The following PHC3 variants were observed in gnomAD, a reference collection of about 807,000 sequenced individuals.
PHC3 encodes the protein polyhomeotic-like protein 3.
In PHC3, 13 loss-of-function variants were observed where a neutral mutation model predicts 107.4. That is an observed-to-expected ratio of 0.12 (90% CI 0.08 to 0.19). The LOEUF is 0.19. Among genes scored for constraint, PHC3 ranks in the 10% least tolerant of loss-of-function variants. The pLI is 1.00. For synonymous variants in PHC3, 456 were observed against 427.4 expected (o/e 1.07, Z -0.83); for missense variants, 992 against 1,210.9 (o/e 0.82, Z 2.68).
chr3:170,123,356 T>TACACACACACACACACACACACACAC (rs3980601), intron 8 of PHC3, among the ~76,000 whole-genome samples: 141 of 149,920 alleles, frequency 9.4e-4, no homozygotes, highest in African/African-American at 2.9e-3. Context: ...TTGAAATGCA[T>TACACACACACACACACACACACACAC]ACACACACAC....
chr3:170,130,236 TATATA>T (rs1722035626), intron 7 of PHC3, among the ~76,000 whole-genome samples: 2 of 152,160 alleles, frequency 1.3e-5, no homozygotes, highest in Admixed American at 6.5e-5. Context: ...AAGTATAACA[TATATA>T]AAGATAACTT....
At position 170,127,019 on chromosome 3, in the gene PHC3, T is replaced by C. The variant is rs115369374; in HGVS notation, c.1788+1665A>G. Among the ~76,000 whole-genome samples, 901 of 152,154 alleles carry C rather than the reference T, an allele frequency of 5.9e-3. 9 individuals are homozygous for C. Among genetic ancestry groups the C allele is most frequent in the African/African-American group, 0.021 (853 of 41,502 alleles). On this transcript the variant is annotated intron_variant, in intron 8 of 14. Transcript: ENST00000495893. ...TATTTTTTACTGGTTAAAAACCAAATCACTGAACTAGGTAGTGAGAAAGTA... is the reference window on the plus strand; with the variant it reads ...TATTTTTTACTGGTTAAAAACCAAACCACTGAACTAGGTAGTGAGAAAGTA...
At chr3:170,137,000 G>GTA (rs751902703) in intron 6 of PHC3, among the ~76,000 whole-genome samples, 77 of 151,684 alleles carry the variant, frequency 5.1e-4, no homozygotes, top group East Asian at 3.7e-3. Context: ...AAAGCAGTAT[G>GTA]TATATATATA....
intron 4 of PHC3, among the ~76,000 whole-genome samples, chr3:170,167,307 T>A (rs1427641661): frequency 6.6e-6 from 1 of 152,122 alleles, no homozygotes; most frequent in East Asian, 1.9e-4. Context: ...TGCCACCACA[T>A]CCAGCTAATT....
chr3:170,099,548 C>T (rs1259082483), intron 14 of PHC3, among the ~76,000 whole-genome samples: 1 of 152,094 alleles, frequency 6.6e-6, no homozygotes, highest in Admixed American at 6.6e-5. Context: ...GGGATGTGTA[C>T]AAAACATACA....
chr3:170,160,920 A>G (rs1215612553), intron 4 of PHC3, among the ~76,000 whole-genome samples: 3 of 152,186 alleles, frequency 2.0e-5, no homozygotes, highest in African/African-American at 7.2e-5. Context: ...AAAACAAAAA[A>G]AGAGTTAACA....
At chr3:170,147,684 T>G (rs975089120) in intron 5 of PHC3, 8 of 152,218 alleles carry the variant, frequency 5.3e-5, no homozygotes, top group African/African-American at 1.9e-4. Context: ...TACTATGCCT[T>G]GAGCATCCTC....
At chr3:170,176,303 C>T (rs1415759476) in intron 2 of PHC3, among the ~76,000 whole-genome samples, 6 of 151,230 alleles carry the variant, frequency 4.0e-5, no homozygotes, top group Non-Finnish European at 2.9e-5. Flanking sequence ...AACATTAAAA[C>T]CTCACTCTGC....
At chr3:170,125,979 T>A (rs1721174493) in intron 8 of PHC3, 1 of 980,132 alleles carries the variant, frequency 1.0e-6, no homozygotes, top group African/African-American at 1.8e-5. Context: ...AAGTCCAATA[T>A]TCCCATCTGT....
At chr3:170,145,150 G>T (rs78048147) in intron 6 of PHC3, among the ~76,000 whole-genome samples, 1,857 of 152,276 alleles carry the variant, frequency 0.012, 39 homozygotes, top group African/African-American at 0.042. Flanking sequence ...TGCTTTATGA[G>T]AAAACTAAAC....
chr3:170,130,613 C>T (rs1722092301), intron 7 of PHC3, among the ~76,000 whole-genome samples: 1 of 152,012 alleles, frequency 6.6e-6, no homozygotes, highest in Admixed American at 6.6e-5. Context: ...TTTTGTTAAC[C>T]CTTTTCCCTC....
At chr3:170,140,696 C>T (rs967399658) in intron 6 of PHC3, among the ~76,000 whole-genome samples, 1 of 146,178 alleles carries the variant, frequency 6.8e-6, no homozygotes, top group Admixed American at 7.2e-5. Context: ...CGGGTGCAAG[C>T]GATTCTCCTG....
At chr3:170,110,325 C>T (rs1006860342) in intron 11 of PHC3, among the ~76,000 whole-genome samples, 1 of 152,126 alleles carries the variant, frequency 6.6e-6, no homozygotes, top group African/African-American at 2.4e-5. Context: ...GAAACTCACT[C>T]TGCCAGTCAT....
chr3:170,174,609 T>A (rs192304921), intron 2 of PHC3, among the ~76,000 whole-genome samples: 1 of 152,348 alleles, frequency 6.6e-6, no homozygotes, highest in Non-Finnish European at 1.5e-5. Context: ...AATAGTGCCA[T>A]AATCCTATAG....
rs1219423417 is a variant in PHC3, at chr3:170,092,982, A to T, written c.*4248T>A. Reference sequence around the variant, plus strand: ...TGGATGAAAGCCATATCTATCCTAAATATCTTCTATCCTCTTGGGTCTAGA... The same window carrying T: ...TGGATGAAAGCCATATCTATCCTAATTATCTTCTATCCTCTTGGGTCTAGA... On this transcript the variant is annotated 3_prime_UTR_variant, in exon 15 of 15. Coordinates refer to ENST00000495893, the MANE Select transcript of PHC3 (RefSeq NM_024947.4). The T allele has an allele frequency of 6.6e-6, 1 of 152,138 alleles. No homozygotes were observed. The highest frequency in any genetic ancestry group is 1.9e-4 in the East Asian group (1 of 5,188). The allele number at this position is 152,138 out of a possible 1,614,324, so 9.4% of individuals were successfully genotyped here. A position where few individuals can be genotyped will look rare whatever the true frequency, so the allele number is the denominator to read the frequency against.
chr3:170,098,429 A>T (rs1457725496), intron 14 of PHC3, among the ~76,000 whole-genome samples: 1 of 152,188 alleles, frequency 6.6e-6, no homozygotes, highest in East Asian at 1.9e-4. Flanking sequence ...AAATGAAAAT[A>T]GTTACATTAC....
At chr3:170,136,296 AAATTCAC>A in intron 7 of PHC3, 116 bp downstream of exon 7, 1 of 1,193,082 alleles carries the variant, frequency 8.4e-7, no homozygotes, top group Non-Finnish European at 1.2e-6. Flanking sequence ...TAAGTTTATA[AAATTCAC>A]ATTTTAAAAT....
intron 7 of PHC3, among the ~76,000 whole-genome samples, chr3:170,131,452 T>C (rs958498121): frequency 6.6e-6 from 1 of 152,178 alleles, no homozygotes; most frequent in Admixed American, 6.5e-5. Flanking sequence ...TTTGCAAGCA[T>C]AACAGCAAGG....
chr3:170,158,380 A>C (rs1727230018), intron 4 of PHC3, among the ~76,000 whole-genome samples: 1 of 151,984 alleles, frequency 6.6e-6, no homozygotes, highest in African/African-American at 2.4e-5. Flanking sequence ...GAGGCAGGCG[A>C]ATCACGAGGT....
Sources: allele counts gnomAD v4.1 joint callset (sites outside exome capture counted in the v4.1 genomes callset), GRCh38; gene constraint gnomAD v4.1.1; transcripts MANE v1.5; gene names NCBI Gene and HGNC (gene_info 2026-07-23, HGNC 2026-07-21).